The following BAZ1B variants were observed in gnomAD, a reference collection of about 807,000 sequenced individuals.
BAZ1B encodes tyrosine-protein kinase BAZ1B.
Under a neutral mutation model 153.8 loss-of-function variants are expected in BAZ1B, and 22 were observed. The observed-to-expected ratio is 0.14, with a 90% CI of 0.10 to 0.20. The LOEUF (loss-of-function observed/expected upper bound fraction) is 0.20, where lower values mean the gene tolerates loss of function less well. Ranked by LOEUF, BAZ1B falls within the 10% of genes least tolerant of loss-of-function variation. The pLI is 1.00. For missense variants in BAZ1B, 1,325 were observed against 1,799.3 expected (o/e 0.74, Z 4.77); for synonymous variants, 676 against 633.4 (o/e 1.07, Z -1.01).
chr7:73,492,758 A>G (rs782400393), intron 5 of BAZ1B, 42 bp downstream of exon 5: 19 of 1,521,514 alleles, frequency 1.2e-5, no homozygotes, highest in Non-Finnish European at 1.5e-5. Flanking sequence ...ATATTTTCTT[A>G]AAGAACATCT....
chr7:73,503,918 T>G (rs1790233262), intron 3 of BAZ1B, among the ~76,000 whole-genome samples: 1 of 151,990 alleles, frequency 6.6e-6, no homozygotes, highest in South Asian at 2.1e-4. Context: ...TCCAAATGCC[T>G]CCCTAGGAGG....
At position 73,508,272 on chromosome 7, in the gene BAZ1B, C is replaced by A. The variant is rs565624189; in HGVS notation, c.369+55G>T. On this transcript the variant is annotated intron_variant, in intron 3 of 19. Transcript: ENST00000339594. ...ACATAGAAATGTGTTCTGTAACCTA[C>A]GATGACAGCTCTAATTCTGATGGTA... The A allele has an allele frequency of 5.7e-6, 9 of 1,575,492 alleles. No homozygotes were observed. In the Admixed American group the frequency reaches 1.1e-4, roughly 19 times the overall value.
In BAZ1B at chr7:73,447,351, C is replaced by T. The variant is rs1554566906; in HGVS notation, c.3757G>A (p.Asp1253Asn). The change falls in exon 16 of 20, where the codon GAC becomes AAC. Residue 1253 changes from aspartate (D) to asparagine (N), a missense_variant. By Grantham distance (23) the Asp-to-Asn change is conservative. Transcript: ENST00000339594. ...RNYTEESASE[D>N]SEDDESDEEE... ...TCATCACTCTCATCATCTTCACTGT[C>T]CTCAGAAGCAGACTCTTCAGTATAG... 2 of 1,613,768 alleles carry T rather than the reference C, an allele frequency of 1.2e-6. No homozygotes were observed. The highest frequency in any genetic ancestry group is 1.3e-5 in the African/African-American group (1 of 75,022).
intron 6 of BAZ1B, among the ~76,000 whole-genome samples, chr7:73,481,213 C>T (rs375734398): frequency 6.6e-6 from 1 of 151,956 alleles, no homozygotes; most frequent in East Asian, 2.0e-4. Flanking sequence ...ATGAGCCACC[C>T]AGCCAGACCC....
chr7:73,478,942 C>T (rs1314945709), intron 6 of BAZ1B, among the ~76,000 whole-genome samples: 2 of 152,170 alleles, frequency 1.3e-5, no homozygotes, highest in Non-Finnish European at 2.9e-5. Flanking sequence ...TTAAGGATAT[C>T]TGATCTACAA....
At position 73,478,260 on chromosome 7, in the gene BAZ1B, G is replaced by T. The variant is rs868967581; in HGVS notation, c.1201C>A (p.Pro401Thr). 2 of 1,614,162 alleles carry T rather than the reference G, an allele frequency of 1.2e-6. No individual in the cohort carries two copies. Among genetic ancestry groups the T allele is most frequent in the African/African-American group, 1.3e-5 (1 of 75,046 alleles). ...AKKPGKHSDKPLKAKGRSKGI... is the reference protein window; with the variant it reads ...AKKPGKHSDKTLKAKGRSKGI... Reference sequence around the variant, plus strand: ...TTGCTTCTGCCCTTTGCCTTCAAAGGCTTGTCACTGTGCTTCCCTGGTTTC... The same window carrying T: ...TTGCTTCTGCCCTTTGCCTTCAAAGTCTTGTCACTGTGCTTCCCTGGTTTC... The change falls in exon 7 of 20, where the codon CCT becomes ACT. Residue 401 changes from proline to threonine, a missense_variant. By Grantham distance (38) the Pro-to-Thr change is conservative. Coordinates refer to ENST00000339594, the MANE Select transcript of BAZ1B (RefSeq NM_032408.4).
intron 7 of BAZ1B, among the ~76,000 whole-genome samples, chr7:73,470,802 C>A (rs1229117873): frequency 6.6e-6 from 1 of 152,132 alleles, no homozygotes; most frequent in African/African-American, 2.4e-5. Context: ...GTGGTGCGAT[C>A]TCGGCTCACT....
intron 3 of BAZ1B, among the ~76,000 whole-genome samples, chr7:73,501,970 A>C (rs1790151197): frequency 6.7e-6 from 1 of 149,194 alleles, no homozygotes; most frequent in Non-Finnish European, 1.5e-5. Flanking sequence ...GGCTCACTAC[A>C]ACCTCCACCT....
chr7:73,499,445 T>C (rs1790041018), intron 3 of BAZ1B, among the ~76,000 whole-genome samples: 2 of 152,118 alleles, frequency 1.3e-5, no homozygotes, highest in Admixed American at 6.5e-5. Context: ...AAATCAACTG[T>C]GTAGGGCCAG....
chr7:73,506,515 T>G lies in BAZ1B; in HGVS notation c.369+1812A>C, dbSNP rs114672123. 8.4e-3 allele frequency among the ~76,000 whole-genome samples: 1,109 copies of G among 131,858 alleles called. 12 individuals are homozygous for G. The highest frequency in any genetic ancestry group is 0.03 in the African/African-American group (1,058 of 35,164). 86.5% of individuals were successfully genotyped at this position (131,858 alleles called of 152,430 possible). A position where few individuals can be genotyped will look rare whatever the true frequency, so the allele number is the denominator to read the frequency against. Reference sequence around the variant, plus strand: ...CTCCATCTTAAAAAAAAAAAAAAATTTAAGTAGAAAAAGTCCAACTCTCAT... The same window carrying G: ...CTCCATCTTAAAAAAAAAAAAAAATGTAAGTAGAAAAAGTCCAACTCTCAT... On this transcript the variant is annotated intron_variant, in intron 3 of 19. Transcript: ENST00000339594.
chr7:73,441,921 G>A (rs1787632555), intron 19 of BAZ1B: 3 of 475,260 alleles, frequency 6.3e-6, no homozygotes, highest in Non-Finnish European at 1.1e-5. Flanking sequence ...ACAGGAACTG[G>A]CTTCACCAGA....
intron 13 of BAZ1B, among the ~76,000 whole-genome samples, chr7:73,452,061 TTA>T (rs1322368910): frequency 6.6e-6 from 1 of 152,218 alleles, no homozygotes; most frequent in Non-Finnish European, 1.5e-5. Context: ...TTCCTATGAA[TTA>T]TAAAATCTGA....
chr7:73,447,170 G>T, intron 16 of BAZ1B, 94 bp downstream of exon 16: 6 of 1,606,036 alleles, frequency 3.7e-6, no homozygotes, highest in Non-Finnish European at 5.1e-6. Context: ...AATAGGGCAA[G>T]CCGGCCACAC....
chr7:73,511,810 C>G (rs748701420), intron 1 of BAZ1B, among the ~76,000 whole-genome samples: 24 of 149,524 alleles, frequency 1.6e-4, no homozygotes, highest in Non-Finnish European at 3.4e-4. Flanking sequence ...CACCTGAAGT[C>G]AGATGTTCGA....
chr7:73,515,346 C>CCT (rs1790754032), intron 1 of BAZ1B, among the ~76,000 whole-genome samples: 1 of 152,070 alleles, frequency 6.6e-6, no homozygotes, highest in Non-Finnish European at 1.5e-5. Context: ...ATGTACCTCC[C>CCT]CTCTTCATTA....
chr7:73,443,149 C>G (rs1787692365), intron 17 of BAZ1B, among the ~76,000 whole-genome samples: 2 of 152,194 alleles, frequency 1.3e-5, no homozygotes, highest in Admixed American at 1.3e-4. Flanking sequence ...CACTAGCTCT[C>G]AGAGAACAGG....
intron 4 of BAZ1B, among the ~76,000 whole-genome samples, chr7:73,494,701 A>T (rs1259955491): frequency 6.6e-6 from 1 of 152,164 alleles, no homozygotes; most frequent in Non-Finnish European, 1.5e-5. Context: ...ATGAGCTATG[A>T]TCACACCACT....
chr7:73,502,299 T>C (rs372758611), intron 3 of BAZ1B, among the ~76,000 whole-genome samples: 37 of 152,226 alleles, frequency 2.4e-4, no homozygotes, highest in African/African-American at 8.4e-4. Context: ...ATATCTGGGA[T>C]AAACCCCTCT....
chr7:73,498,657 A>C lies in BAZ1B; in HGVS notation c.411T>G (p.Ile137Met). Residue 137 changes from isoleucine (I) to methionine (M), a missense_variant, in exon 4 of 20, where the codon ATT becomes ATG. Ile to Met is a conservative substitution (Grantham distance 10). Around this residue, in one of 9 missense-constraint regions of BAZ1B, gnomAD observed 153 missense variants for 204.8 expected, o/e 0.75. Transcript: ENST00000339594. ...EKMLKVKIVK[I>M]HPLEKVDEEA... ...CTTCATCCACTTTCTCCAAAGGATG[A>C]ATCTTCACAATCTTCACCTTGAGCA... 6.2e-7 allele frequency: 1 copy of C among 1,614,110 alleles called. No homozygotes were observed. The highest frequency in any genetic ancestry group is 8.5e-7 in the Non-Finnish European group (1 of 1,180,026).
Sources: gnomAD v4.1 joint callset for allele counts (sites outside exome capture counted in the v4.1 genomes callset) on GRCh38, gnomAD v4.1.1 for gene constraint, gnomAD v4.1.1 regional missense constraint, MANE v1.5 for transcripts, NCBI Gene and HGNC (gene_info 2026-07-23, HGNC 2026-07-21) for gene names.